The following DECR2 variants were observed in gnomAD, a reference collection of about 807,000 sequenced individuals.
The protein encoded by DECR2 is peroxisomal 2,4-dienoyl-CoA reductase [(3E)-enoyl-CoA-producing].
Under a neutral mutation model 29.2 loss-of-function variants are expected in DECR2, and 34 were observed. That is an observed-to-expected ratio of 1.16 (90% CI 0.89 to 1.55). The LOEUF is 1.55. Ranked by LOEUF, DECR2 falls within the 40% of genes most tolerant of loss-of-function variation. The pLI, the probability that DECR2 is intolerant of heterozygous loss-of-function variation, is 0.00. For missense variants in DECR2, 485 were observed against 425.3 expected, an observed-to-expected ratio of 1.14 and a Z score of -1.23; for synonymous variants, 224 against 182.7, an observed-to-expected ratio of 1.23 and a Z score of -1.82.
chr16:407,007 T>C lies in DECR2; in HGVS notation c.202-418T>C, dbSNP rs141804536. 4,337 of 1,030,370 alleles carry C rather than the reference T, an allele frequency of 4.2e-3. 35 individuals are homozygous for C. Among genetic ancestry groups the C allele is most frequent in the African/African-American group, 0.023 (1,329 of 58,410 alleles). The allele number at this position is 1,030,370 out of a possible 1,614,324, so 63.8% of individuals were successfully genotyped here. A position where few individuals can be genotyped will look rare whatever the true frequency, so the allele number is the denominator to read the frequency against. On this transcript the variant is annotated intron_variant, in intron 3 of 8. Transcript: ENST00000219481. ...TTTTTAAAAAATCTAGTTATTGGGTTCTGGGAGGGACCTTCCTGTTTGGGG... is the reference window on the plus strand; with the variant it reads ...TTTTTAAAAAATCTAGTTATTGGGTCCTGGGAGGGACCTTCCTGTTTGGGG...
Position 410,823 on chromosome 16 carries a change from G to A in DECR2, c.556+39G>A, listed in dbSNP as rs750770772. ...CCCCCGCCCAGGTTTGCCCACGTGG[G>A]TCCCCAATGGGCCGTCTGCTTCCAT... On this transcript the variant is annotated intron_variant, in intron 6 of 8. Coordinates refer to ENST00000219481, the MANE Select transcript of DECR2 (RefSeq NM_020664.4). This position sits in a 1 kb window ranked among gnomAD's most constrained non-coding sequence, Gnocchi z 4.1. The A allele has an allele frequency of 6.5e-7, 1 of 1,546,654 alleles. No individual in the cohort carries two copies. The highest frequency in any genetic ancestry group is 1.2e-5 in the South Asian group (1 of 84,280).
intron 2 of DECR2, among the ~76,000 whole-genome samples, chr16:405,872 A>G (rs1478006083): frequency 1.3e-5 from 2 of 152,222 alleles, no homozygotes; most frequent in African/African-American, 4.8e-5. Flanking sequence ...TTTCGCAAGA[A>G]CAGTAGATAA....
intron 1 of DECR2, among the ~76,000 whole-genome samples, chr16:404,348 C>G (rs1221354495): frequency 4.6e-5 from 7 of 151,260 alleles, no homozygotes; most frequent in Non-Finnish European, 1.0e-4. Context: ...AAGTGATTCT[C>G]CTGCCTCAGC....
intron 4 of DECR2, among the ~76,000 whole-genome samples, chr16:408,460 C>CT (rs1313894205): frequency 4.0e-5 from 6 of 151,786 alleles, no homozygotes; most frequent in Admixed American, 3.9e-4. Flanking sequence ...GAACACAGCT[C>CT]AATGGTAGAG....
intron 1 of DECR2, 147 bp from the exon 2 acceptor site, chr16:404,809 T>C: frequency 1.4e-6 from 1 of 709,564 alleles, no homozygotes; most frequent in Non-Finnish European, 2.4e-6. Flanking sequence ...TTTGTATTTT[T>C]AGTAGAGACG....
chr16:404,722 C>A lies in DECR2; in HGVS notation c.81-234C>A, dbSNP rs548042275. Among the ~76,000 whole-genome samples, 424 of 150,776 alleles carry A rather than the reference C, an allele frequency of 2.8e-3. 4 individuals carry two copies. Among genetic ancestry groups the A allele is most frequent in the Middle Eastern group, 0.022 (6 of 274 alleles). On this transcript the variant is annotated intron_variant, in intron 1 of 8. Coordinates refer to ENST00000219481, the MANE Select transcript of DECR2 (RefSeq NM_020664.4). The stretch of plus-strand genomic sequence containing the variant: ...TCGGCTCACTGCAACATCTGCCTCC[C>A]GGGTTCAAGCTATTCTCCTGCCTCA...
chr16:410,277 C>G lies in DECR2; in HGVS notation c.372C>G (p.Ala124=), dbSNP rs765659217. 1.9e-6 allele frequency: 3 copies of G among 1,613,720 alleles called. No homozygotes were observed. Among genetic ancestry groups the G allele is most frequent in the East Asian group, 2.2e-5 (1 of 44,872 alleles). ...AAGNFLCPAG[A]LSFNAFKTVM... ...GGAACTTCCTGTGCCCCGCTGGCGCCTTGTCCTTCAACGCCTTCAAGACCG... is the reference window on the plus strand; with the variant it reads ...GGAACTTCCTGTGCCCCGCTGGCGCGTTGTCCTTCAACGCCTTCAAGACCG... The change falls in exon 5 of 9, where the codon GCC becomes GCG. Residue 124 remains alanine (A), a synonymous_variant. Coordinates refer to ENST00000219481, the MANE Select transcript of DECR2 (RefSeq NM_020664.4). The surrounding 1 kb of genome is among the most constrained non-coding windows in gnomAD (Gnocchi z 4.1).
At chr16:405,134 C>A in intron 2 of DECR2, 110 bp downstream of exon 2, 3 of 1,340,628 alleles carry the variant, frequency 2.2e-6, no homozygotes, top group Non-Finnish European at 3.2e-6. Flanking sequence ...CCCCTGCTCA[C>A]CTACCCGACA....
Position 406,416 on chromosome 16 carries a change from T to A in DECR2, c.201+19T>A. On this transcript the variant is annotated intron_variant, in intron 3 of 8. Transcript: ENST00000219481. The stretch of plus-strand genomic sequence containing the variant: ...GCTGACGGTGAGAGGGCCTCTCCCA[T>A]GGTCCCCTGTTCGGGTGGCTGTGGG... The A allele has an allele frequency of 6.2e-7, 1 of 1,605,924 alleles. No homozygotes were observed.
Position 411,884 on chromosome 16 carries a change from C to T in DECR2, c.*1-6C>T. On this transcript the variant is annotated splice_region_variant and splice_polypyrimidine_tract_variant and intron_variant, in intron 8 of 8. Transcript: ENST00000219481. ...AGCCGGCTACTAAGTTCTGAAACTC[C>T]TGCAGGAATCTTCCGGCCGCTGCTT... is the stretch of plus-strand genomic sequence containing the variant. The T allele has an allele frequency of 2.6e-6, 1 of 377,736 alleles. No homozygotes were observed. The allele number at this position is 377,736 out of a possible 1,614,324, so 23.4% of individuals were successfully genotyped here. A position where few individuals can be genotyped will look rare whatever the true frequency, so the allele number is the denominator to read the frequency against.
Position 410,751 on chromosome 16 carries a change from C to A in DECR2, c.523C>A (p.Gln175Lys). The A allele has an allele frequency of 6.2e-7, 1 of 1,605,476 alleles. No homozygotes were observed. The highest frequency in any genetic ancestry group is 1.1e-5 in the South Asian group (1 of 89,698). ...CCTGGGGAACCGGGGGCAGGCGCTC[C>A]AGGTGCATGCAGGCTCCGCCAAGGC... ...ATLGNRGQAL[Q>K]VHAGSAKAAV... Residue 175 changes from glutamine (Q) to lysine (K), a missense_variant, in exon 6 of 9, where the codon CAG becomes AAG. Gln to Lys is a moderately conservative substitution (Grantham distance 53, BLOSUM62 1). Transcript: ENST00000219481. The surrounding 1 kb of genome is among the most constrained non-coding windows in gnomAD (Gnocchi z 4.1).
At chr16:402,091 C>A (rs1418160181) in intron 1 of DECR2, 48 bp downstream of exon 1, 1 of 1,299,524 alleles carries the variant, frequency 7.7e-7, no homozygotes, top group Non-Finnish European at 9.8e-7. Flanking sequence ...GGGGTCCGGT[C>A]CGCGGGCGCC....
At chr16:408,539 A>G (rs1481094482) in intron 4 of DECR2, among the ~76,000 whole-genome samples, 1 of 146,558 alleles carries the variant, frequency 6.8e-6, no homozygotes, top group Non-Finnish European at 1.5e-5. Context: ...TTTTTTTTAG[A>G]CAGCATCTCA....
At chr16:406,984 T>G in intron 3 of DECR2, 1 of 1,017,720 alleles carries the variant, frequency 9.8e-7, no homozygotes. Flanking sequence ...TCTTTGACTT[T>G]TTAAAAAATC....
intron 3 of DECR2, chr16:406,953 G>A: frequency 9.8e-7 from 1 of 1,024,350 alleles, no homozygotes; most frequent in East Asian, 1.0e-4. Flanking sequence ...GAGCTTCAGT[G>A]TAAGTGGCCT....
intron 1 of DECR2, among the ~76,000 whole-genome samples, chr16:404,264 G>T (rs1472327225): frequency 7.2e-5 from 11 of 151,738 alleles, no homozygotes; most frequent in Non-Finnish European, 1.6e-4. Context: ...TTAAGACCAT[G>T]TTTCGCTCTT....
chr16:402,178 T>C (rs2054674760), intron 1 of DECR2, 135 bp downstream of exon 1: 5 of 703,514 alleles, frequency 7.1e-6, no homozygotes, highest in Non-Finnish European at 1.0e-5. Flanking sequence ...CTTTTTTCTT[T>C]CTTTTTTTTT....
Position 411,348 on chromosome 16 carries a change from T to C in DECR2, c.662-13T>C. On this transcript the variant is annotated splice_polypyrimidine_tract_variant and intron_variant, in intron 7 of 8. Transcript: ENST00000219481. ...TGGGGCTCACGGGGCCTGAGCCTTC[T>C]GCTGCCCTCCAGGTGGCCCTCAGGC... 1 of 1,599,864 alleles carries C rather than the reference T, an allele frequency of 6.3e-7. No individual in the cohort carries two copies. The highest frequency in any genetic ancestry group is 8.5e-7 in the Non-Finnish European group (1 of 1,176,852).
chr16:401,955 G>C lies in DECR2; in HGVS notation c.-9G>C, dbSNP rs1045651028. 1 of 1,483,398 alleles carries C rather than the reference G, an allele frequency of 6.7e-7. No individual in the cohort carries two copies. Among genetic ancestry groups the C allele is most frequent in the Admixed American group, 2.3e-5 (1 of 42,918 alleles). 91.9% of individuals were successfully genotyped at this position (1,483,398 alleles called of 1,614,324 possible). ...GCCCGTTGTCCCCGCAGTCCCCGAC[G>C]GGAGCGCCATGGCCCAGCCGCCGCC... is the stretch of plus-strand genomic sequence containing the variant. On this transcript the variant is annotated 5_prime_UTR_variant, in exon 1 of 9. Transcript: ENST00000219481.
Sources: allele counts gnomAD v4.1 joint callset (sites outside exome capture counted in the v4.1 genomes callset), GRCh38; gene constraint gnomAD v4.1.1; non-coding constraint Gnocchi (gnomAD v3.1); transcripts MANE v1.5; gene names NCBI Gene and HGNC (gene_info 2026-07-23, HGNC 2026-07-21).